CACNA1S: variants seen among roughly 807,000 people sequenced by gnomAD.
The protein encoded by CACNA1S is voltage-dependent L-type calcium channel subunit alpha-1S.
In CACNA1S, 126 loss-of-function variants were observed where a neutral mutation model predicts 207.4. The ratio of observed to expected loss-of-function variants is 0.61; its 90% CI spans 0.53 to 0.70. CACNA1S has a LOEUF of 0.70. Ranked by LOEUF, CACNA1S falls within the 30% of genes least tolerant of loss-of-function variation. The pLI is 0.00. For synonymous variants in CACNA1S, 960 were observed against 932.7 expected (o/e 1.03, Z -0.53); for missense variants, 2,349 against 2,422.8 (o/e 0.97, Z 0.64).
At chr1:201,098,064 GT>G (rs1662503229) in intron 2 of CACNA1S, among the ~76,000 whole-genome samples, 1 of 152,118 alleles carries the variant, frequency 6.6e-6, no homozygotes, top group Non-Finnish European at 1.5e-5. Context: ...GTTTTTAGCT[GT>G]TGTCAAAACT....
chr1:201,104,416 A>G (rs915932722), intron 2 of CACNA1S, among the ~76,000 whole-genome samples: 5 of 152,230 alleles, frequency 3.3e-5, no homozygotes, highest in Non-Finnish European at 7.3e-5. Context: ...AGCTCTCACT[A>G]TTCTGTCCTC....
chr1:201,072,260 C>T (rs1219595626), intron 16 of CACNA1S, among the ~76,000 whole-genome samples: 1 of 152,180 alleles, frequency 6.6e-6, no homozygotes, highest in Non-Finnish European at 1.5e-5. Flanking sequence ...CATGCTCCCC[C>T]TACCCCACCA....
Position 201,039,667 on chromosome 1 carries a change from C to G in CACNA1S, c.*164G>C, listed in dbSNP as rs1660040518. 1 of 829,388 alleles carries G rather than the reference C, an allele frequency of 1.2e-6. No individual in the cohort carries two copies. Among genetic ancestry groups the G allele is most frequent in the African/African-American group, 1.7e-5 (1 of 59,548 alleles). The allele number at this position is 829,388 out of a possible 1,614,324, so 51.4% of individuals were successfully genotyped here. Reference sequence around the variant, plus strand: ...GGCAGGGCCTGTCCAGCTACTTCCTCCGCACTTTTTGAGGTGGTTCCTGAC... The same window carrying G: ...GGCAGGGCCTGTCCAGCTACTTCCTGCGCACTTTTTGAGGTGGTTCCTGAC... On this transcript the variant is annotated 3_prime_UTR_variant, in exon 44 of 44. Coordinates refer to ENST00000362061, the MANE Select transcript of CACNA1S (RefSeq NM_000069.3).
Position 201,061,967 on chromosome 1 carries a change from G to A in CACNA1S, c.3030C>T (p.Val1010=). 1 of 1,614,230 alleles carries A rather than the reference G, an allele frequency of 6.2e-7. No individual in the cohort carries two copies. Among genetic ancestry groups the A allele is most frequent in the Non-Finnish European group, 8.5e-7 (1 of 1,180,044 alleles). Residue 1010 remains valine (V), a synonymous_variant, in exon 24 of 44, where the codon GTC becomes GTT. Coordinates refer to ENST00000362061, the MANE Select transcript of CACNA1S (RefSeq NM_000069.3). ...ACTGAGGCCATCCCTCGAAGGTGGAGACCGTGAAGAGGGACATCATGGCTG... is the reference window on the plus strand; with the variant it reads ...ACTGAGGCCATCCCTCGAAGGTGGAAACCGTGAAGAGGGACATCATGGCTG... ...VLSAMMSLFT[V]STFEGWPQLL... is the part of the protein sequence containing the mutation.
At chr1:201,095,118 G>A (rs1228403307) in intron 2 of CACNA1S, among the ~76,000 whole-genome samples, 3 of 117,452 alleles carry the variant, frequency 2.6e-5, no homozygotes, top group Admixed American at 9.3e-5. Flanking sequence ...CACAGCTCCA[G>A]GAGGTGTGTG....
chr1:201,061,006 C>T (rs547706804), intron 25 of CACNA1S, among the ~76,000 whole-genome samples, 190 bp from the exon 26 acceptor site: 16 of 152,336 alleles, frequency 1.1e-4, no homozygotes, highest in Middle Eastern at 3.4e-3. Flanking sequence ...AGCCCATTCC[C>T]ATGGGTGCTA....
At chr1:201,110,366 A>T in intron 1 of CACNA1S, 97 bp from the exon 2 acceptor site, 1 of 1,034,448 alleles carries the variant, frequency 9.7e-7, no homozygotes, top group Non-Finnish European at 1.5e-6. Flanking sequence ...TGTGACTCTG[A>T]TGCCAGGCTG....
At chr1:201,042,550 A>C (rs796069707) in intron 40 of CACNA1S, among the ~76,000 whole-genome samples, 25 of 152,338 alleles carry the variant, frequency 1.6e-4, no homozygotes, top group African/African-American at 5.5e-4. Context: ...GTTACCTTGC[A>C]CCATGGTGAC....
intron 2 of CACNA1S, among the ~76,000 whole-genome samples, chr1:201,098,678 T>A (rs940790568): frequency 3.3e-5 from 5 of 152,130 alleles, no homozygotes; most frequent in Non-Finnish European, 7.4e-5. Context: ...AGCCTTGGGA[T>A]CTGCATTCCT....
chr1:201,057,435 T>C (rs1019651967), intron 28 of CACNA1S, among the ~76,000 whole-genome samples: 5 of 152,248 alleles, frequency 3.3e-5, no homozygotes, highest in African/African-American at 1.2e-4. Flanking sequence ...TTTATGTTTC[T>C]GTATAATACT....
intron 13 of CACNA1S, among the ~76,000 whole-genome samples, chr1:201,075,247 T>G (rs1280321229): frequency 6.6e-6 from 1 of 152,232 alleles, no homozygotes; most frequent in Non-Finnish European, 1.5e-5. Flanking sequence ...CTGACCTTAC[T>G]GGGCTTTTAA....
Position 201,066,332 on chromosome 1 carries a change from G to A in CACNA1S, c.2658-16C>T, listed in dbSNP as rs766633425. ...GGCACTGGACCTGGGGGGCGGCAAT[G>A]GTGAGGGGGCTGAGGGCAGCCTGCT... On this transcript the variant is annotated splice_polypyrimidine_tract_variant and intron_variant, in intron 20 of 43. Coordinates refer to ENST00000362061, the MANE Select transcript of CACNA1S (RefSeq NM_000069.3). The surrounding 1 kb of genome is among the most constrained non-coding windows in gnomAD (Gnocchi z 4.3). The A allele has an allele frequency of 6.2e-7, 1 of 1,605,878 alleles. No homozygotes were observed. The highest frequency in any genetic ancestry group is 8.5e-7 in the Non-Finnish European group (1 of 1,178,406).
At chr1:201,061,735 G>C (rs1370506135) in intron 24 of CACNA1S, among the ~76,000 whole-genome samples, 3 of 152,210 alleles carry the variant, frequency 2.0e-5, no homozygotes, top group African/African-American at 7.2e-5. Flanking sequence ...ACACCTATGG[G>C]GGACTGCGTG....
chr1:201,107,970 A>G (rs1305875969), intron 2 of CACNA1S, among the ~76,000 whole-genome samples: 1 of 152,182 alleles, frequency 6.6e-6, no homozygotes, highest in Non-Finnish European at 1.5e-5. Flanking sequence ...TACTGTCTCT[A>G]TGAACTCTAG....
chr1:201,053,201 C>T lies in CACNA1S; in HGVS notation c.3861+8G>A, dbSNP rs1472286488. The T allele has an allele frequency of 4.3e-6, 7 of 1,614,114 alleles. No individual in the cohort carries two copies. The Admixed American group carries it at 5.0e-5, about 12-fold the overall frequency. ...CCATGCTTTGGCCTGGGCCCGCCTG[C>T]CTCTCACCTGCATGCCGATGACAGC... On this transcript the variant is annotated splice_region_variant and intron_variant, in intron 31 of 43. Coordinates refer to ENST00000362061, the MANE Select transcript of CACNA1S (RefSeq NM_000069.3). This position sits in a 1 kb window ranked among gnomAD's most constrained non-coding sequence, Gnocchi z 5.1.
chr1:201,043,490 T>G lies in CACNA1S; in HGVS notation c.4839A>C (p.Glu1613Asp). The change falls in exon 40 of 44, where the codon GAA becomes GAC. Residue 1613 changes from glutamate (E) to aspartate (D), a missense_variant. Glu to Asp is a conservative substitution (Grantham distance 45). Coordinates refer to ENST00000362061, the MANE Select transcript of CACNA1S (RefSeq NM_000069.3). The stretch of plus-strand genomic sequence containing the variant: ...TGACGGGGGGCAGGGAGTTGGTCCT[T>G]TCCAGGAAGTTGTCCACCTGGCCAA... The part of the protein sequence containing the change: ...GLFGQVDNFL[E>D]RTNSLPPVMA... 1 of 1,613,954 alleles carries G rather than the reference T, an allele frequency of 6.2e-7. No individual in the cohort carries two copies. The highest frequency in any genetic ancestry group is 1.7e-4 in the Middle Eastern group (1 of 6,060).
intron 3 of CACNA1S, 50 bp from the exon 4 acceptor site, chr1:201,092,164 T>A: frequency 6.2e-7 from 1 of 1,611,224 alleles, no homozygotes. Context: ...GAAAAGCCAC[T>A]GCCCCAGTGG....
chr1:201,040,705 T>TGTGTGCAA lies in CACNA1S; in HGVS notation c.5142_5143insTTGCACAC (p.Ser1715LeufsTer11). Reference sequence around the variant, plus strand: ...TTCAGCATCTCCACACAGGGTTTGCTGTGGGGTCCTGTATGCAAGAAGGGG... The same window carrying TGTGTGCAA: ...TTCAGCATCTCCACACAGGGTTTGCTGTGTGCAAGTGGGGTCCTGTATGCAAGAAGGGG... On this transcript the variant is annotated frameshift_variant, in exon 42 of 44. Coordinates refer to ENST00000362061, the MANE Select transcript of CACNA1S (RefSeq NM_000069.3). LOFTEE classifies it high-confidence loss of function. 1.2e-6 allele frequency: 2 copies of TGTGTGCAA among 1,613,850 alleles called. No individual in the cohort carries two copies. The highest frequency in any genetic ancestry group is 2.2e-5 in the South Asian group (2 of 91,048).
intron 26 of CACNA1S, 60 bp from the exon 27 acceptor site, chr1:201,059,359 T>C: frequency 2.8e-6 from 3 of 1,060,022 alleles, no homozygotes; most frequent in South Asian, 2.6e-5. Context: ...CCCTGTAGAT[T>C]GCATTCCCAG....
Sources: allele counts gnomAD v4.1 joint callset (sites outside exome capture counted in the v4.1 genomes callset), GRCh38; gene constraint gnomAD v4.1.1; non-coding constraint Gnocchi (gnomAD v3.1); transcripts MANE v1.5; gene names NCBI Gene and HGNC (gene_info 2026-07-23, HGNC 2026-07-21).